The following DAB1 variants were observed in gnomAD, a reference collection of about 807,000 sequenced individuals.
DAB1 encodes DAB adaptor protein 1.
A neutral mutation model predicts 64.6 loss-of-function variants in DAB1; 15 were observed. The ratio of observed to expected loss-of-function variants is 0.23; its 90% CI spans 0.16 to 0.36. DAB1 has a LOEUF of 0.36. Ranked by LOEUF, DAB1 falls within the 10% of genes least tolerant of loss-of-function variation. The pLI is 1.00. For missense variants in DAB1, 596 were observed against 706.7 expected (o/e 0.84, Z 1.78); for synonymous variants, 235 against 251.9 (o/e 0.93, Z 0.64).
At chr1:57,054,266 T>C (rs1649514036) in intron 9 of DAB1, among the ~76,000 whole-genome samples, 1 of 152,122 alleles carries the variant, frequency 6.6e-6, no homozygotes, top group Non-Finnish European at 1.5e-5. Flanking sequence ...TCTGTGAAGG[T>C]TAAGTTCCAC....
chr1:57,061,429 T>C (rs1650390147), intron 9 of DAB1, among the ~76,000 whole-genome samples: 1 of 152,136 alleles, frequency 6.6e-6, no homozygotes, highest in Non-Finnish European at 1.5e-5. Context: ...CCCTATGCAA[T>C]TTGTGAATCG....
At chr1:57,075,991 G>C (rs1254067618) in intron 4 of DAB1, among the ~76,000 whole-genome samples, 1 of 152,154 alleles carries the variant, frequency 6.6e-6, no homozygotes, top group Non-Finnish European at 1.5e-5. Context: ...AGATCAGGGA[G>C]GGTCATAAAT....
At chr1:57,458,916 G>T (rs1686690659) in intron 7 of DAB1, among the ~76,000 whole-genome samples, 1 of 151,922 alleles carries the variant, frequency 6.6e-6, no homozygotes, top group Non-Finnish European at 1.5e-5. Flanking sequence ...AGTGGAATTT[G>T]AATGATTTTC....
intron 5 of DAB1, among the ~76,000 whole-genome samples, chr1:57,951,740 A>G (rs1645284194): frequency 6.6e-6 from 1 of 152,120 alleles, no homozygotes; most frequent in African/African-American, 2.4e-5. Context: ...AGCTCATGGT[A>G]TCATTCCCTC....
intron 2 of DAB1, among the ~76,000 whole-genome samples, chr1:57,184,690 G>A (rs1663343396): frequency 6.6e-6 from 1 of 152,054 alleles, no homozygotes; most frequent in Non-Finnish European, 1.5e-5. Context: ...ATCACACCTG[G>A]ATCATGTACT....
intron 6 of DAB1, among the ~76,000 whole-genome samples, chr1:57,695,143 G>A (rs1646808553): frequency 1.3e-5 from 2 of 151,664 alleles, no homozygotes; most frequent in South Asian, 2.1e-4. Context: ...AGGATGGCTT[G>A]AGCCGGGGAG....
intron 6 of DAB1, among the ~76,000 whole-genome samples, chr1:57,817,685 G>A (rs966436767): frequency 3.3e-5 from 5 of 152,158 alleles, no homozygotes; most frequent in Non-Finnish European, 5.9e-5. Flanking sequence ...ATGAGAGCTA[G>A]AGCTGCAAAG....
chr1:57,536,773 G>C (rs1442514601), intron 7 of DAB1, among the ~76,000 whole-genome samples: 2 of 150,762 alleles, frequency 1.3e-5, no homozygotes, highest in Non-Finnish European at 2.9e-5. Flanking sequence ...CCTTTCTGCT[G>C]CCGCAGCCCC....
chr1:58,387,726 T>TC lies in DAB1; in HGVS notation n.258-44324_258-44323insG, dbSNP rs1205115533. Reference sequence around the variant, plus strand: ...CATCTTTTTTTCTTTTCTTTTCTTTTTTTTTTTTTTTTTTTTGAGACAGAG... The same window carrying TC: ...CATCTTTTTTTCTTTTCTTTTCTTTTCTTTTTTTTTTTTTTTTGAGACAGAG... On this transcript the variant is annotated intron_variant and non_coding_transcript_variant, in intron 3 of 20. Transcript: ENST00000485760. 2.6e-4 allele frequency among the ~76,000 whole-genome samples: 35 copies of TC among 134,342 alleles called. No individual in the cohort carries two copies. The Admixed American group carries it at 2.7e-3, about 10-fold the overall frequency. 88.1% of individuals were successfully genotyped at this position (134,342 alleles called of 152,430 possible).
chr1:57,629,599 G>T (rs1425301929), intron 7 of DAB1, among the ~76,000 whole-genome samples: 1 of 152,244 alleles, frequency 6.6e-6, no homozygotes, highest in Non-Finnish European at 1.5e-5. Context: ...ACTAAAATGG[G>T]ATAATGTGAA....
chr1:57,046,679 C>T (rs1468240324), intron 9 of DAB1, among the ~76,000 whole-genome samples: 1 of 152,196 alleles, frequency 6.6e-6, no homozygotes, highest in Non-Finnish European at 1.5e-5. Flanking sequence ...AGACTCACAG[C>T]AGCAGCAGCA....
intron 3 of DAB1, among the ~76,000 whole-genome samples, chr1:58,447,857 CAA>C (rs67071278): frequency 9.1e-5 from 4 of 43,940 alleles, no homozygotes; most frequent in Non-Finnish European, 1.4e-4. Context: ...ATGACTTAAA[CAA>C]AAAAAAAAAA....
chr1:58,373,543 G>A (rs1302071610), intron 3 of DAB1, among the ~76,000 whole-genome samples: 2 of 151,260 alleles, frequency 1.3e-5, no homozygotes, highest in South Asian at 2.1e-4. Context: ...TGGTGTATAT[G>A]TGCCACATTT....
chr1:57,797,450 T>C (rs1650926534), intron 6 of DAB1, among the ~76,000 whole-genome samples: 1 of 152,232 alleles, frequency 6.6e-6, no homozygotes, highest in Admixed American at 6.5e-5. Context: ...CTTCACGTTC[T>C]TCTATAACAC....
At chr1:57,604,461 C>G (rs1487981474) in intron 7 of DAB1, among the ~76,000 whole-genome samples, 1 of 151,024 alleles carries the variant, frequency 6.6e-6, no homozygotes, top group Non-Finnish European at 1.5e-5. Flanking sequence ...ACAGGGGAAA[C>G]AGAGACAGTC....
chr1:58,488,736 C>T (rs908872441), intron 3 of DAB1, among the ~76,000 whole-genome samples: 2 of 152,216 alleles, frequency 1.3e-5, no homozygotes, highest in Non-Finnish European at 2.9e-5. Context: ...AGGCGTGAGC[C>T]ACCACGCCCA....
At chr1:57,226,663 T>TAA (rs71713506) in intron 2 of DAB1, among the ~76,000 whole-genome samples, 26,929 of 119,962 alleles carry the variant, frequency 0.22, 3,599 homozygotes, top group Middle Eastern at 0.31. Flanking sequence ...CAAAAGTGGT[T>TAA]AAAAAAAAAA....
intron 7 of DAB1, among the ~76,000 whole-genome samples, chr1:57,486,038 C>T (rs968742501): frequency 2.0e-5 from 3 of 152,160 alleles, no homozygotes; most frequent in African/African-American, 7.2e-5. Context: ...ATTAATTGTA[C>T]CTTCTCTAAC....
intron 4 of DAB1, among the ~76,000 whole-genome samples, chr1:58,281,956 T>C (rs947769398): frequency 2.6e-5 from 4 of 151,956 alleles, no homozygotes; most frequent in South Asian, 4.1e-4. Context: ...TCATCATCAT[T>C]GTTATCATCA....
Sources: gnomAD v4.1 joint callset for allele counts (sites outside exome capture counted in the v4.1 genomes callset) on GRCh38, gnomAD v4.1.1 for gene constraint, MANE v1.5 for transcripts, NCBI Gene and HGNC (gene_info 2026-07-23, HGNC 2026-07-21) for gene names.